Variants in SP3 observed in about 807,000 individuals in gnomAD.
SP3 encodes Sp3 transcription factor.
In SP3, 10 loss-of-function variants were observed where a neutral mutation model predicts 70.3. The ratio of observed to expected loss-of-function variants is 0.14; its 90% CI spans 0.09 to 0.24. The LOEUF (loss-of-function observed/expected upper bound fraction) is 0.24, where lower values mean the gene tolerates loss of function less well. SP3 is among the 10% of genes least tolerant of loss of function. SP3 has a pLI of 1.00. For missense variants in SP3, 825 were observed against 914.6 expected (o/e 0.90, Z 1.26); for synonymous variants, 402 against 333.5 (o/e 1.21, Z -2.24).
chr2:173,927,547 G>T (rs748647254), intron 4 of SP3, among the ~76,000 whole-genome samples: 15 of 151,898 alleles, frequency 9.9e-5, no homozygotes, highest in Non-Finnish European at 2.2e-4. Flanking sequence ...CAAAGTGCTG[G>T]GATTACAGGA....
In SP3 at chr2:173,901,863, A is replaced by T. The variant is rs1347310547; in HGVS notation, c.*8078T>A. On this transcript the variant is annotated 3_prime_UTR_variant, in exon 7 of 7. Transcript: ENST00000310015. ...ATTGCAGGCATGCGCCACCACCCCC[A>T]GCTAATTTTGTACTTTTCATCACCA... Among the ~76,000 whole-genome samples the T allele has an allele frequency of 6.6e-6, 1 of 151,798 alleles. No individual in the cohort carries two copies. The highest frequency in any genetic ancestry group is 1.5e-5 in the Non-Finnish European group (1 of 67,938).
chr2:173,940,506 T>C (rs764632386), intron 4 of SP3, among the ~76,000 whole-genome samples: 40 of 152,142 alleles, frequency 2.6e-4, no homozygotes, highest in Non-Finnish European at 4.7e-4. Flanking sequence ...ACCCCTGGTC[T>C]AGGAGACCAG....
At chr2:173,961,508 C>T (rs1242769431) in intron 3 of SP3, among the ~76,000 whole-genome samples, 2 of 152,148 alleles carry the variant, frequency 1.3e-5, no homozygotes, top group Admixed American at 6.5e-5. Context: ...GCTGGTGAAA[C>T]GCAAACAAAG....
At chr2:173,948,442 G>C (rs1450051250) in intron 4 of SP3, among the ~76,000 whole-genome samples, 1 of 151,992 alleles carries the variant, frequency 6.6e-6, no homozygotes, top group Non-Finnish European at 1.5e-5. Flanking sequence ...TTACCATATA[G>C]TAAAAACCAT....
upstream of SP3, chr2:173,965,510 G>A (rs1478815815): frequency 9.9e-6 from 3 of 301,706 alleles, no homozygotes; most frequent in Admixed American, 5.3e-5. Flanking sequence ...GGGTGGAAGG[G>A]GAGAGACAAT....
chr2:173,920,499 T>C (rs185368835), intron 4 of SP3, among the ~76,000 whole-genome samples: 3 of 152,270 alleles, frequency 2.0e-5, no homozygotes, highest in Non-Finnish European at 4.4e-5. Flanking sequence ...ATGGGTGATG[T>C]TGACATAGGG....
Position 173,955,873 on chromosome 2 carries a change from G to A in SP3, c.639C>T (p.Thr213=). 2 of 1,614,174 alleles carry A rather than the reference G, an allele frequency of 1.2e-6. No individual in the cohort carries two copies. Among genetic ancestry groups the A allele is most frequent in the African/African-American group, 1.3e-5 (1 of 75,034 alleles). ...CAGAAGGTGTTCCAGAGGCAAGTAA[G>A]GTTTGATTAGAGCCAGGAATGATCT... ...QIQIIPGSNQ[T]LLASGTPSAN... Residue 213 remains threonine, a synonymous_variant, in exon 4 of 7, where the codon ACC becomes ACT. Transcript: ENST00000310015.
intron 4 of SP3, among the ~76,000 whole-genome samples, chr2:173,934,714 A>T (rs1306562704): frequency 2.0e-5 from 3 of 148,148 alleles, no homozygotes; most frequent in East Asian, 3.9e-4. Flanking sequence ...CATAAAAAGT[A>T]AAAAAAAAAA....
intron 4 of SP3, among the ~76,000 whole-genome samples, chr2:173,942,855 AAT>A (rs879516629): frequency 9.2e-5 from 14 of 152,202 alleles, no homozygotes; most frequent in Non-Finnish European, 2.1e-4. Context: ...GTAAATCAAA[AAT>A]GTTTTTTTAA....
chr2:173,945,773 T>G (rs945026146), intron 4 of SP3, among the ~76,000 whole-genome samples: 1 of 152,182 alleles, frequency 6.6e-6, no homozygotes, highest in African/African-American at 2.4e-5. Context: ...GATCACACAC[T>G]GAGAACCACT....
At chr2:173,929,245 G>A (rs1023222548) in intron 4 of SP3, among the ~76,000 whole-genome samples, 1 of 152,190 alleles carries the variant, frequency 6.6e-6, no homozygotes, top group Non-Finnish European at 1.5e-5. Context: ...TTAAAGGAAA[G>A]GGCAATTCAA....
chr2:173,913,036 T>TC (rs748126446), intron 6 of SP3, 34 bp downstream of exon 6: 4 of 1,476,338 alleles, frequency 2.7e-6, no homozygotes, highest in Non-Finnish European at 3.6e-6. Context: ...GCCCTATAAT[T>TC]CATTTTTGTC....
chr2:173,924,123 ATC>A (rs1689841929), intron 4 of SP3, among the ~76,000 whole-genome samples: 1 of 152,146 alleles, frequency 6.6e-6, no homozygotes, highest in Admixed American at 6.5e-5. Flanking sequence ...GTTAATCACC[ATC>A]TCTGCTTTAA....
chr2:173,964,906 A>G lies in SP3; in HGVS notation c.7+259T>C, dbSNP rs1159168929. The G allele has an allele frequency of 1.2e-5, 6 of 504,944 alleles. No homozygotes were observed. The East Asian group carries it at 2.1e-4, about 18-fold the overall frequency. 31.3% of individuals were successfully genotyped at this position (504,944 alleles called of 1,614,324 possible). The stretch of plus-strand genomic sequence containing the variant: ...CTCACACACGCCCGCCCGCGCCCGC[A>G]CACAGGGGGATGCGCTCCCGGCGGA... On this transcript the variant is annotated intron_variant, in intron 1 of 6. Coordinates refer to ENST00000310015, the MANE Select transcript of SP3 (RefSeq NM_003111.5).
chr2:173,932,064 TG>T (rs1690082421), intron 4 of SP3, among the ~76,000 whole-genome samples: 2 of 152,254 alleles, frequency 1.3e-5, no homozygotes, highest in African/African-American at 4.8e-5. Flanking sequence ...CTGGTCTATC[TG>T]GGCTTTCAAT....
chr2:173,954,907 C>T lies in SP3; in HGVS notation c.1605G>A (p.Gln535=). The T allele has an allele frequency of 4.3e-6, 7 of 1,614,044 alleles. No homozygotes were observed. The highest frequency in any genetic ancestry group is 5.9e-6 in the Non-Finnish European group (7 of 1,179,950). ...TGTCAGCATTCTCTCCTGGATGTAG[C>T]TGTATACCAGCAGAATCTATAGAGT... The part of the protein sequence containing the change: ...TVNSIDSAGI[Q]LHPGENADSP... Residue 535 remains glutamine (Q), a synonymous_variant, in exon 4 of 7, where the codon CAG becomes CAA. Coordinates refer to ENST00000310015, the MANE Select transcript of SP3 (RefSeq NM_003111.5).
chr2:173,941,208 C>G (rs1049752948), intron 4 of SP3, among the ~76,000 whole-genome samples: 1 of 151,812 alleles, frequency 6.6e-6, no homozygotes, highest in Non-Finnish European at 1.5e-5. Flanking sequence ...TCATGCTTTC[C>G]TCCCCAGCAC....
Position 173,904,121 on chromosome 2 carries a change from A to T in SP3, c.*5820T>A, listed in dbSNP as rs76359852. Among the ~76,000 whole-genome samples the T allele has an allele frequency of 0.12, 18,610 of 152,124 alleles. 1,417 individuals carry two copies. The highest frequency in any genetic ancestry group is 0.19 in the Non-Finnish European group (12,579 of 67,968). ...GGTTCACAACGGGGTTCGCACTCCT[A>T]TGAGAATCTAATGTTGTGGCTCATC... On this transcript the variant is annotated 3_prime_UTR_variant, in exon 7 of 7. Transcript: ENST00000310015.
At chr2:173,935,815 G>C (rs1232035536) in intron 4 of SP3, among the ~76,000 whole-genome samples, 1 of 150,850 alleles carries the variant, frequency 6.6e-6, no homozygotes, top group Non-Finnish European at 1.5e-5. Context: ...CCCCAGATCA[G>C]TTTTCCCCTC....
Sources: allele counts gnomAD v4.1 joint callset (sites outside exome capture counted in the v4.1 genomes callset), GRCh38; gene constraint gnomAD v4.1.1; transcripts MANE v1.5; gene names NCBI Gene and HGNC (gene_info 2026-07-23, HGNC 2026-07-21).